Variants in NFKBIZ observed in about 807,000 individuals in gnomAD.
NFKBIZ encodes NFKB inhibitor zeta, also known as NF-kappa-B inhibitor zeta.
A neutral mutation model predicts 76.8 loss-of-function variants in NFKBIZ; 19 were observed. The ratio of observed to expected loss-of-function variants is 0.25; its 90% CI spans 0.17 to 0.36. NFKBIZ has a LOEUF of 0.36. Among genes scored for constraint, NFKBIZ ranks in the 10% least tolerant of loss-of-function variants. The probability of loss-of-function intolerance (pLI) is 1.00; values close to 1 mark genes in which losing one functional copy is unlikely to be tolerated. For missense variants in NFKBIZ, 829 were observed against 910.9 expected (o/e 0.91, Z 1.16); for synonymous variants, 368 against 354.8 (o/e 1.04, Z -0.42).
rs1191151406 is a variant in NFKBIZ, at chr3:101,857,407, T to G, written c.2051T>G (p.Leu684Trp). 6.2e-7 allele frequency: 1 copy of G among 1,614,190 alleles called. No individual in the cohort carries two copies. Among genetic ancestry groups the G allele is most frequent in the South Asian group, 1.1e-5 (1 of 91,088 alleles). The change falls in exon 11 of 12, where the codon TTG (leucine) becomes TGG (tryptophan). Residue 684 changes from leucine (L) to tryptophan (W), a missense_variant. Physicochemically the swap from Leu to Trp is moderately conservative, Grantham distance 61. Transcript: ENST00000326172. ...RKGADPSTRN[L>W]ENEQPVHLVP... The stretch of plus-strand genomic sequence containing the variant: ...GGAGCAGACCCAAGTACTCGGAACT[T>G]GGAGAACGAACAGCCAGTGCATTTG...
chr3:101,859,635 A>G lies in NFKBIZ; in HGVS notation c.*264A>G, dbSNP rs1943106493. On this transcript the variant is annotated 3_prime_UTR_variant, in exon 12 of 12. Coordinates refer to ENST00000326172, the MANE Select transcript of NFKBIZ (RefSeq NM_031419.4). ...GATCTCAATGGTAACATTGCCTTCA[A>G]TTAACAGTAGCTTTTGAGTAGGAAA... 1 of 290,594 alleles carries G rather than the reference A, an allele frequency of 3.4e-6. No homozygotes were observed. The highest frequency in any genetic ancestry group is 4.5e-5 in the Admixed American group (1 of 22,120). 18.0% of individuals were successfully genotyped at this position (290,594 alleles called of 1,614,324 possible).
chr3:101,837,166 C>T (rs1942730867), intron 2 of NFKBIZ, among the ~76,000 whole-genome samples: 1 of 152,086 alleles, frequency 6.6e-6, no homozygotes, highest in South Asian at 2.1e-4. Context: ...GTAGGATAGG[C>T]ATTTAAACCA....
chr3:101,829,879 TTGTG>T (rs71132601), intron 2 of NFKBIZ, among the ~76,000 whole-genome samples: 8 of 150,392 alleles, frequency 5.3e-5, no homozygotes, highest in African/African-American at 1.2e-4. Flanking sequence ...CTAAGATTTT[TTGTG>T]TGTGTGTGTG....
intron 2 of NFKBIZ, among the ~76,000 whole-genome samples, chr3:101,837,552 A>G (rs952932248): frequency 2.6e-5 from 4 of 152,032 alleles, no homozygotes; most frequent in African/African-American, 9.7e-5. Context: ...CAGGCCACAG[A>G]GCACCTTTCT....
Position 101,849,767 on chromosome 3 carries a change from G to A in NFKBIZ, c.139G>A (p.Ala47Thr), listed in dbSNP as rs1159553079. 1.4e-6 allele frequency: 2 copies of A among 1,453,844 alleles called. No individual in the cohort carries two copies. Among genetic ancestry groups the A allele is most frequent in the Admixed American group, 5.2e-5 (2 of 38,756 alleles). 90.1% of individuals were successfully genotyped at this position (1,453,844 alleles called of 1,614,324 possible). The change falls in exon 1 of 12, where the codon GCC becomes ACC. Residue 47 changes from alanine to threonine, a missense_variant. Physicochemically the swap from Ala to Thr is moderately conservative, Grantham distance 58. This residue lies in a region of NFKBIZ where 181 missense variants were observed against 175.3 expected (regional missense o/e 1.03). Transcript: ENST00000326172. ...GTCGCCGCCCGCCGCCGCCCCGGGCGCCTGCGACGCCAGCTGCTCGGTCTT... is the reference window on the plus strand; with the variant it reads ...GTCGCCGCCCGCCGCCGCCCCGGGCACCTGCGACGCCAGCTGCTCGGTCTT... ...GASPPAAAPG[A>T]CDASCSVLGP...
At chr3:101,828,463 G>A (rs1441559568) in intron 1 of NFKBIZ, among the ~76,000 whole-genome samples, 1 of 152,144 alleles carries the variant, frequency 6.6e-6, no homozygotes, top group Non-Finnish European at 1.5e-5. Flanking sequence ...GATAGAATGG[G>A]TGATGAAGTA....
chr3:101,833,960 A>C (rs1469977572), intron 2 of NFKBIZ, among the ~76,000 whole-genome samples: 2 of 152,140 alleles, frequency 1.3e-5, no homozygotes, highest in Admixed American at 1.3e-4. Flanking sequence ...TCCAAACTTC[A>C]TGGTTGTTCA....
At chr3:101,844,575 G>A (rs1942826344), upstream of NFKBIZ, among the ~76,000 whole-genome samples, 1 of 152,278 alleles carries the variant, frequency 6.6e-6, no homozygotes, top group African/African-American at 2.4e-5. Context: ...TGTGTTTGTT[G>A]TCATGCATTA....
chr3:101,845,483 T>G (rs540135873), upstream of NFKBIZ, among the ~76,000 whole-genome samples: 2 of 151,936 alleles, frequency 1.3e-5, no homozygotes, highest in Non-Finnish European at 1.5e-5. Flanking sequence ...TTATTTTATG[T>G]AGAGATGGGG....
intron 1 of NFKBIZ, among the ~76,000 whole-genome samples, chr3:101,850,691 G>C (rs1449674127): frequency 2.6e-5 from 4 of 152,304 alleles, no homozygotes; most frequent in Admixed American, 2.0e-4. Context: ...TGAACGTTGA[G>C]AGTAATTAGC....
chr3:101,851,969 G>C, intron 1 of NFKBIZ, 116 bp from the exon 2 acceptor site: 1 of 1,255,862 alleles, frequency 8.0e-7, no homozygotes, highest in Non-Finnish European at 1.1e-6. Context: ...GAAAGGTTTT[G>C]CAATGTGCTG....
At chr3:101,835,578 G>A (rs770966732) in intron 2 of NFKBIZ, among the ~76,000 whole-genome samples, 11 of 152,080 alleles carry the variant, frequency 7.2e-5, no homozygotes, top group African/African-American at 2.2e-4. Flanking sequence ...TTCTCACTAC[G>A]TCCTCACATG....
At chr3:101,840,494 T>C (rs912997212) in intron 2 of NFKBIZ, among the ~76,000 whole-genome samples, 1 of 152,202 alleles carries the variant, frequency 6.6e-6, no homozygotes, top group Admixed American at 6.5e-5. Context: ...TGATTTTGTA[T>C]GAACCATATG....
chr3:101,834,608 G>T (rs866425607), intron 2 of NFKBIZ, among the ~76,000 whole-genome samples: 11 of 152,174 alleles, frequency 7.2e-5, no homozygotes, highest in African/African-American at 2.4e-4. Flanking sequence ...TGATCCACCC[G>T]CCTCAGCCTC....
rs1412332807 is a variant in NFKBIZ, at chr3:101,849,743, T to TCGCCGCC, written c.123_129dup (p.Ala44ArgfsTer57). The TCGCCGCC allele has an allele frequency of 6.9e-7, 1 of 1,447,618 alleles. No individual in the cohort carries two copies. Among genetic ancestry groups the TCGCCGCC allele is most frequent in the Non-Finnish European group, 9.0e-7 (1 of 1,105,290 alleles). 89.7% of individuals were successfully genotyped at this position (1,447,618 alleles called of 1,614,324 possible). The stretch of plus-strand genomic sequence containing the variant: ...CAACCTGAGCTACTTCTACGGCGCG[T>TCGCCGCC]CGCCGCCCGCCGCCGCCCCGGGCGC... On this transcript the variant is annotated frameshift_variant, in exon 1 of 12. Transcript: ENST00000326172. LOFTEE classifies it high-confidence loss of function.
At chr3:101,855,261 T>C (rs914029688) in intron 7 of NFKBIZ, 53 bp downstream of exon 7, 18 of 1,595,750 alleles carry the variant, frequency 1.1e-5, no homozygotes, top group Non-Finnish European at 1.5e-5. Flanking sequence ...GAGATAGAGT[T>C]GGATATTAGA....
At chr3:101,850,703 T>C (rs2107413073) in intron 1 of NFKBIZ, among the ~76,000 whole-genome samples, 1 of 152,358 alleles carries the variant, frequency 6.6e-6, no homozygotes, top group African/African-American at 2.4e-5. Context: ...GTAATTAGCA[T>C]GATTTTAAAG....
At chr3:101,830,671 C>T (rs1942635845) in intron 2 of NFKBIZ, among the ~76,000 whole-genome samples, 1 of 152,182 alleles carries the variant, frequency 6.6e-6, no homozygotes, top group South Asian at 2.1e-4. Context: ...TTTTTTATGG[C>T]TGTGTAGATT....
Position 101,852,896 on chromosome 3 carries a change from C to G in NFKBIZ, c.471C>G (p.Asn157Lys), listed in dbSNP as rs538612977. 2.5e-5 allele frequency: 41 copies of G among 1,613,830 alleles called. No individual in the cohort carries two copies. The South Asian group carries it at 4.3e-4, about 17-fold the overall frequency. The change falls in exon 4 of 12, where the codon AAC (asparagine) becomes AAG (lysine). Residue 157 changes from asparagine to lysine, a missense_variant. Transcript: ENST00000326172. ...TTCCTTTGGGTACAGAATTGAAGAA[C>G]ACAGTATCATACAGTGGGAAAAGGA... ...VNIEQFRELK[N>K]TVSYSGKRKG... is the part of the protein sequence containing the mutation.
Sources: allele counts gnomAD v4.1 joint callset (sites outside exome capture counted in the v4.1 genomes callset), GRCh38; gene constraint gnomAD v4.1.1; regional missense constraint gnomAD v4.1.1; transcripts MANE v1.5; gene names NCBI Gene and HGNC (gene_info 2026-07-23, HGNC 2026-07-21).